Variants in SORBS2 observed in about 807,000 individuals in gnomAD.
SORBS2 encodes the protein sorbin and SH3 domain-containing protein 2.
Under a neutral mutation model 97.7 loss-of-function variants are expected in SORBS2, and 46 were observed. The observed-to-expected ratio is 0.47, with a 90% CI of 0.37 to 0.60. The LOEUF (loss-of-function observed/expected upper bound fraction) is 0.60. Among genes scored for constraint, SORBS2 ranks in the 20% least tolerant of loss-of-function variants. SORBS2 has a pLI of 0.00. For synonymous variants in SORBS2, 476 were observed against 473.4 expected (o/e 1.01, Z -0.07); for missense variants, 1,316 against 1,282.3 (o/e 1.03, Z -0.40).
intron 1 of SORBS2, among the ~76,000 whole-genome samples, chr4:185,923,752 C>T (rs1246832567): frequency 1.3e-5 from 2 of 152,032 alleles, no homozygotes; most frequent in Admixed American, 6.5e-5. Flanking sequence ...GAGAGAAACA[C>T]TTCTACACGA....
chr4:185,729,166 C>A (rs907216407), intron 2 of SORBS2, among the ~76,000 whole-genome samples: 4 of 152,228 alleles, frequency 2.6e-5, no homozygotes, highest in Non-Finnish European at 5.9e-5. Flanking sequence ...TCTTATTTCC[C>A]ACTTTCCTTT....
chr4:185,729,258 T>C (rs527420244), intron 2 of SORBS2, among the ~76,000 whole-genome samples: 54 of 152,252 alleles, frequency 3.5e-4, no homozygotes, highest in Non-Finnish European at 6.3e-4. Flanking sequence ...TACTAACTTT[T>C]AAGTCTGCAT....
At chr4:185,669,967 C>G (rs1028602776) in intron 4 of SORBS2, among the ~76,000 whole-genome samples, 6 of 151,704 alleles carry the variant, frequency 4.0e-5, no homozygotes, top group Non-Finnish European at 8.8e-5. Flanking sequence ...ACCTGTAATC[C>G]CAGCACTTTG....
At chr4:185,905,120 A>G (rs912964126) in intron 1 of SORBS2, among the ~76,000 whole-genome samples, 1 of 151,172 alleles carries the variant, frequency 6.6e-6, no homozygotes, top group African/African-American at 2.4e-5. Context: ...AAAAAGAAAG[A>G]AAGAAAGAAA....
At chr4:185,664,922 G>A (rs983502947) in intron 4 of SORBS2, among the ~76,000 whole-genome samples, 2 of 151,888 alleles carry the variant, frequency 1.3e-5, no homozygotes, top group Admixed American at 6.6e-5. Flanking sequence ...TTAAATGGAA[G>A]CCATTACTTA....
chr4:185,821,613 G>A (rs987998118), intron 1 of SORBS2, among the ~76,000 whole-genome samples: 11 of 152,042 alleles, frequency 7.2e-5, no homozygotes, highest in African/African-American at 2.4e-4. Context: ...TAGTAGAGAC[G>A]GGGTTTCGCC....
intron 1 of SORBS2, among the ~76,000 whole-genome samples, chr4:185,848,618 CTTTTTTTTTTTTTTTTTTTTT>C (rs537195530): frequency 1.7e-4 from 13 of 75,636 alleles, no homozygotes; most frequent in African/African-American, 6.4e-4. Flanking sequence ...AAGGATATCT[CTTTTTTTTTTTTTTTTTTTTT>C]TTTTTTTTTT....
chr4:185,788,408 G>A (rs2099066149), intron 1 of SORBS2, among the ~76,000 whole-genome samples: 1 of 152,182 alleles, frequency 6.6e-6, no homozygotes, highest in Admixed American at 6.5e-5. Flanking sequence ...TTCAAATTAG[G>A]CACATTTCAG....
intron 1 of SORBS2, chr4:185,775,931 A>G (rs1223778033): frequency 6.6e-6 from 1 of 152,180 alleles, no homozygotes; most frequent in Non-Finnish European, 1.5e-5. Flanking sequence ...AAGCGTTGAC[A>G]TCTCTTATCT....
chr4:185,901,003 G>A (rs1177719128), intron 1 of SORBS2, among the ~76,000 whole-genome samples: 1 of 152,166 alleles, frequency 6.6e-6, no homozygotes, highest in African/African-American at 2.4e-5. Flanking sequence ...AATCTCAATT[G>A]CATGAAACAA....
At chr4:185,862,400 G>T (rs1464474661) in intron 1 of SORBS2, among the ~76,000 whole-genome samples, 1 of 152,224 alleles carries the variant, frequency 6.6e-6, no homozygotes, top group Non-Finnish European at 1.5e-5. Context: ...GGATATATTT[G>T]ACTTTGAGCA....
intron 1 of SORBS2, among the ~76,000 whole-genome samples, chr4:185,914,233 T>C (rs565160263): frequency 2.6e-5 from 4 of 152,338 alleles, no homozygotes; most frequent in African/African-American, 4.8e-5. Context: ...TCATTTTTTC[T>C]CTAGGAAAGT....
chr4:185,912,585 C>CAAA (rs60906233), intron 1 of SORBS2, among the ~76,000 whole-genome samples: 1 of 64,372 alleles, frequency 1.6e-5, no homozygotes, highest in African/African-American at 6.4e-5. Context: ...AACTCCATCT[C>CAAA]AAAAAAAAAA....
intron 1 of SORBS2, among the ~76,000 whole-genome samples, chr4:185,784,861 C>G (rs1457761003): frequency 6.6e-6 from 1 of 152,156 alleles, no homozygotes; most frequent in East Asian, 1.9e-4. Flanking sequence ...GCAAAATCTG[C>G]CATGAAAAAT....
intron 1 of SORBS2, among the ~76,000 whole-genome samples, chr4:185,777,978 A>G (rs2099008271): frequency 6.6e-6 from 1 of 152,208 alleles, no homozygotes; most frequent in Non-Finnish European, 1.5e-5. Context: ...CATGTAAACT[A>G]TCATATCATT....
At chr4:185,845,016 G>A (rs2099213713) in intron 1 of SORBS2, among the ~76,000 whole-genome samples, 1 of 140,986 alleles carries the variant, frequency 7.1e-6, no homozygotes, top group Non-Finnish European at 1.6e-5. Flanking sequence ...TGATGAAAAT[G>A]CTTTTTTTTT....
intron 1 of SORBS2, among the ~76,000 whole-genome samples, chr4:185,881,408 C>T (rs2099236817): frequency 6.6e-6 from 1 of 152,006 alleles, no homozygotes; most frequent in Admixed American, 6.6e-5. Flanking sequence ...AGAAAGTGCT[C>T]CAGGAAAAGT....
chr4:185,761,080 T>C (rs2098885678), intron 2 of SORBS2, among the ~76,000 whole-genome samples: 2 of 152,362 alleles, frequency 1.3e-5, no homozygotes, highest in South Asian at 2.1e-4. Flanking sequence ...CTTTGAAATG[T>C]AGTTCAAAGT....
At chr4:185,693,052 T>C (rs2098123020) in intron 2 of SORBS2, among the ~76,000 whole-genome samples, 1 of 152,106 alleles carries the variant, frequency 6.6e-6, no homozygotes, top group Non-Finnish European at 1.5e-5. Flanking sequence ...CATTGCAGTG[T>C]AGGGAGCAGG....
Sources: allele counts gnomAD v4.1 joint callset (sites outside exome capture counted in the v4.1 genomes callset), GRCh38; gene constraint gnomAD v4.1.1; transcripts MANE v1.5; gene names NCBI Gene and HGNC (gene_info 2026-07-23, HGNC 2026-07-21).